Variants in AATK observed in about 807,000 individuals in gnomAD.
The protein encoded by AATK is lemur tail kinase 1.
In AATK, 91 loss-of-function variants were observed where a neutral mutation model predicts 114.3. The observed-to-expected ratio is 0.80, with a 90% CI of 0.67 to 0.95. The LOEUF (loss-of-function observed/expected upper bound fraction) is 0.95, where lower values mean the gene tolerates loss of function less well. Among genes scored for constraint, AATK ranks in the 40% least tolerant of loss-of-function variants. The pLI is 0.00. For missense variants in AATK, 2,176 were observed against 1,965.2 expected (o/e 1.11, Z -2.03); for synonymous variants, 1,075 against 916.5 (o/e 1.17, Z -3.12).
intron 1 of AATK, among the ~76,000 whole-genome samples, chr17:81,145,733 C>CAAAAAAA (rs11332251): frequency 1.4e-5 from 1 of 71,150 alleles, no homozygotes; most frequent in Non-Finnish European, 2.7e-5. Flanking sequence ...AACTCCATCT[C>CAAAAAAA]AAAAAAAAAA....
At chr17:81,125,346 G>A in intron 7 of AATK, 1 of 676,018 alleles carries the variant, frequency 1.5e-6, no homozygotes. Context: ...CGCTTCTCCA[G>A]GACCCTCTCC....
chr17:81,120,310 CTGCGCAGGT>C lies in AATK; in HGVS notation c.3617_3625del (p.Asn1206_Arg1208del), dbSNP rs758714054. ...CAGCAGGCTGGGCATCTTGAGCAGG[CTGCGCAGGT>C]TGCGCGCGCTCTGGCTCTCAGCCAC... On this transcript the variant is annotated inframe_deletion, in exon 11 of 14. Transcript: ENST00000326724. 1 of 1,610,630 alleles carries C rather than the reference CTGCGCAGGT, an allele frequency of 6.2e-7. No individual in the cohort carries two copies. Among genetic ancestry groups the C allele is most frequent in the Non-Finnish European group, 8.5e-7 (1 of 1,179,154 alleles).
intron 1 of AATK, among the ~76,000 whole-genome samples, chr17:81,135,291 G>T (rs897271861): frequency 2.6e-5 from 4 of 152,200 alleles, no homozygotes; most frequent in Non-Finnish European, 5.9e-5. Flanking sequence ...CGGTCCATCT[G>T]CTGCCCACAG....
At chr17:81,118,545 G>T in intron 13 of AATK, 103 bp from the exon 14 acceptor site, 1 of 1,254,296 alleles carries the variant, frequency 8.0e-7, no homozygotes, top group South Asian at 1.3e-5. Context: ...ATACAGGCCG[G>T]GCCCCTTCCC....
chr17:81,126,452 G>A lies in AATK; in HGVS notation c.730C>T (p.Leu244Phe). The change falls in exon 7 of 14, where the codon CTT (leucine) becomes TTT (phenylalanine). Residue 244 changes from leucine to phenylalanine, a missense_variant. Physicochemically the swap from Leu to Phe is conservative, Grantham distance 22 (BLOSUM62 0). Transcript: ENST00000326724. This position sits in a 1 kb window ranked among gnomAD's most constrained non-coding sequence, Gnocchi z 5.1. ...CTGTGCACGAAATTGTTGCGATGAA[G>A]GTGCAGGACGCCACAGGCCACCTCA... Reference protein sequence around the residue: ...ACEVACGVLHLHRNNFVHSDL... With the variant: ...ACEVACGVLHFHRNNFVHSDL... 2 of 1,562,224 alleles carry A rather than the reference G, an allele frequency of 1.3e-6. No homozygotes were observed. The highest frequency in any genetic ancestry group is 1.7e-6 in the Non-Finnish European group (2 of 1,153,230).
chr17:81,156,430 G>C (rs2061367969), intron 1 of AATK, among the ~76,000 whole-genome samples: 1 of 151,782 alleles, frequency 6.6e-6, no homozygotes, highest in South Asian at 2.1e-4. Flanking sequence ...ACAGAGTCTT[G>C]CTCTGTCGCC....
At chr17:81,144,202 C>T (rs2061182856) in intron 1 of AATK, among the ~76,000 whole-genome samples, 1 of 152,268 alleles carries the variant, frequency 6.6e-6, no homozygotes, top group Admixed American at 6.5e-5. Flanking sequence ...GCGTCTCTTG[C>T]ACAGACCCAG....
intron 1 of AATK, among the ~76,000 whole-genome samples, chr17:81,156,136 T>C (rs1363653982): frequency 6.1e-4 from 14 of 22,890 alleles, no homozygotes; most frequent in African/African-American, 8.4e-4. Flanking sequence ...CAATGTATGT[T>C]ACTATGTTAC....
chr17:81,162,864 G>A (rs977945918), intron 1 of AATK, among the ~76,000 whole-genome samples: 74 of 152,220 alleles, frequency 4.9e-4, no homozygotes, highest in African/African-American at 1.6e-3. Flanking sequence ...AGGCTGCCAC[G>A]TGTTCCGAGA....
rs1324744950 is a variant in AATK, at chr17:81,120,398, C to T, written c.3538G>A (p.Val1180Ile). 5.6e-6 allele frequency: 9 copies of T among 1,603,344 alleles called. No homozygotes were observed. Among genetic ancestry groups the T allele is most frequent in the Admixed American group, 1.7e-5 (1 of 59,220 alleles). Residue 1180 changes from valine (V) to isoleucine (I), a missense_variant, in exon 11 of 14, where the codon GTC (valine) becomes ATC (isoleucine). Physicochemically the swap from Val to Ile is conservative, Grantham distance 29. This residue lies in a region of AATK where 1,701 missense variants were observed against 1,394.7 expected (regional missense o/e 1.22). Transcript: ENST00000326724. The part of the protein sequence containing the change: ...ESDEELRCYS[V>I]QEPSEDSEEE... ...TCGCTGTCCTCGCTAGGCTCCTGGA[C>T]GCTGTAGCAGCGGAGCTCCTCGTCA...
chr17:81,119,645 A>G (rs1405912432), intron 12 of AATK, 65 bp from the exon 13 acceptor site: 2 of 1,315,764 alleles, frequency 1.5e-6, no homozygotes, highest in Non-Finnish European at 2.0e-6. Context: ...CCCCGCTCCC[A>G]CAGTCACGGG....
Position 81,126,401 on chromosome 17 carries a change from G to A in AATK, c.755+26C>T, listed in dbSNP as rs759601808. The A allele has an allele frequency of 6.9e-5, 106 of 1,544,338 alleles. No homozygotes were observed. In the African/African-American group the frequency reaches 9.0e-4, roughly 13 times the overall value. On this transcript the variant is annotated intron_variant, in intron 7 of 13. Transcript: ENST00000326724. The surrounding 1 kb of genome is among the most constrained non-coding windows in gnomAD (Gnocchi z 5.1). Reference sequence around the variant, plus strand: ...GGAGGGGCCTGGCCTAGGGCTTCCCGGCCGCTGGCCCGCGCCCGCCCTCAC... The same window carrying A: ...GGAGGGGCCTGGCCTAGGGCTTCCCAGCCGCTGGCCCGCGCCCGCCCTCAC...
chr17:81,132,066 A>T, intron 2 of AATK: 3 of 1,266,258 alleles, frequency 2.4e-6, no homozygotes, highest in Non-Finnish European at 3.1e-6. Context: ...TGTATAGGGG[A>T]TACCCCACCC....
At chr17:81,118,675 CTG>C (rs535433194) in intron 13 of AATK, among the ~76,000 whole-genome samples, 5 of 152,390 alleles carry the variant, frequency 3.3e-5, no homozygotes, top group South Asian at 2.1e-4. Context: ...CATAAGGAAA[CTG>C]AGGCCTGAAC....
chr17:81,158,634 G>A (rs2061395098), intron 1 of AATK, among the ~76,000 whole-genome samples: 1 of 152,216 alleles, frequency 6.6e-6, no homozygotes, highest in South Asian at 2.1e-4. Context: ...AGGGCTGCCC[G>A]ACACCAGGTA....
Position 81,165,431 on chromosome 17 carries a change from T to G in AATK, c.55+507A>C, listed in dbSNP as rs941571254. 1.5e-5 allele frequency: 5 copies of G among 329,236 alleles called. 1 individual carries two copies. The highest frequency in any genetic ancestry group is 2.1e-3 in the Middle Eastern group (2 of 946). 20.4% of individuals were successfully genotyped at this position (329,236 alleles called of 1,614,324 possible). ...CCCTCTCTTCTGAGCCTCTGCCCAC[T>G]GGGCTCTGTAATGTGGACTGGCCCC... On this transcript the variant is annotated intron_variant, in intron 1 of 13. Coordinates refer to ENST00000326724, the MANE Select transcript of AATK (RefSeq NM_001080395.3).
At chr17:81,139,612 C>T (rs1037370856) in intron 1 of AATK, among the ~76,000 whole-genome samples, 43 of 151,662 alleles carry the variant, frequency 2.8e-4, no homozygotes, top group Non-Finnish European at 5.9e-5. Context: ...CTGGCCATAC[C>T]GCGGTCCCTG....
At position 81,121,387 on chromosome 17, in the gene AATK, G is replaced by A. The variant is rs2060697837; in HGVS notation, c.2549C>T (p.Ser850Phe). 3 of 1,609,702 alleles carry A rather than the reference G, an allele frequency of 1.9e-6. No individual in the cohort carries two copies. The highest frequency in any genetic ancestry group is 8.5e-7 in the Non-Finnish European group (1 of 1,179,044). ...ACTGCTGGGTGCCTCCACCTCGGGA[G>A]AGCTGCTGCTGCCATTCAGGGCAGA... ...LASALNGSSS[S>F]PEVEAPSSED... The change falls in exon 11 of 14, where the codon TCT becomes TTT. Residue 850 changes from serine to phenylalanine, a missense_variant. Coordinates refer to ENST00000326724, the MANE Select transcript of AATK (RefSeq NM_001080395.3).
chr17:81,124,586 G>C (rs1228083906), intron 9 of AATK, 141 bp downstream of exon 9: 3 of 1,421,938 alleles, frequency 2.1e-6, no homozygotes, highest in Non-Finnish European at 2.8e-6. Context: ...CACCCAACCA[G>C]CCACTTGGGC....
Sources: allele counts gnomAD v4.1 joint callset (sites outside exome capture counted in the v4.1 genomes callset), GRCh38; gene constraint gnomAD v4.1.1; regional missense constraint gnomAD v4.1.1; non-coding constraint Gnocchi (gnomAD v3.1); transcripts MANE v1.5; gene names NCBI Gene and HGNC (gene_info 2026-07-23, HGNC 2026-07-21).